Variants in CSMD3 observed in about 807,000 individuals in gnomAD.
CSMD3 encodes the protein CUB and sushi domain-containing protein 3.
In CSMD3, 177 loss-of-function variants were observed where a neutral mutation model predicts 435.2. The observed-to-expected ratio is 0.41, with a 90% CI of 0.36 to 0.46. The LOEUF (loss-of-function observed/expected upper bound fraction) is 0.46. Among genes scored for constraint, CSMD3 ranks in the 20% least tolerant of loss-of-function variants. CSMD3 has a pLI of 0.34. For missense variants in CSMD3, 4,265 were observed against 4,504.6 expected (o/e 0.95, Z 1.52); for synonymous variants, 1,656 against 1,520.5 (o/e 1.09, Z -2.07).
chr8:112,444,132 G>C lies in CSMD3; in HGVS notation c.5395+28459C>G, dbSNP rs185558816. 4.8e-4 allele frequency among the ~76,000 whole-genome samples: 73 copies of C among 152,168 alleles called. 1 individual carries two copies. Among genetic ancestry groups the C allele is most frequent in the Middle Eastern group, 3.4e-3 (1 of 294 alleles). ...TTTATGTATGTAAAAGGAGCATATG[G>C]GAAAAGGCTTCAAAATGAAGTGTAA... On this transcript the variant is annotated intron_variant, in intron 32 of 70. Transcript: ENST00000297405.
chr8:113,407,628 G>A (rs891242850), intron 1 of CSMD3, among the ~76,000 whole-genome samples: 1 of 151,786 alleles, frequency 6.6e-6, no homozygotes, highest in Non-Finnish European at 1.5e-5. Context: ...TTTGTAGCAC[G>A]GCCAATTTGA....
chr8:113,363,356 T>C (rs1174417076), intron 1 of CSMD3, among the ~76,000 whole-genome samples: 2 of 152,202 alleles, frequency 1.3e-5, no homozygotes, highest in Non-Finnish European at 2.9e-5. Context: ...CCATGGCTTG[T>C]GCTTTAATTC....
At chr8:113,025,211 G>A (rs2086831257) in intron 5 of CSMD3, among the ~76,000 whole-genome samples, 1 of 152,020 alleles carries the variant, frequency 6.6e-6, no homozygotes, top group East Asian at 1.9e-4. Flanking sequence ...GCGTATATCT[G>A]TGCATCTGGT....
chr8:112,747,183 C>CTTTTTTTTTTTTTTTTTTTTTTTTTTT lies in CSMD3; in HGVS notation c.1972+52952_1972+52978dup, dbSNP rs71309787. On this transcript the variant is annotated intron_variant, in intron 13 of 70. Coordinates refer to ENST00000297405, the MANE Select transcript of CSMD3 (RefSeq NM_198123.2). ...TATGATTATTTGTCTGCACACTTCCCTTTTTTTTTTTTTTTTTTTTTTTTT... is the reference window on the plus strand; with the variant it reads ...TATGATTATTTGTCTGCACACTTCCCTTTTTTTTTTTTTTTTTTTTTTTTTTTTTTTTTTTTTTTTTTTTTTTTTTTT... Among the ~76,000 whole-genome samples the CTTTTTTTTTTTTTTTTTTTTTTTTTTT allele has an allele frequency of 4.1e-4, 11 of 26,952 alleles. 3 individuals are homozygous for CTTTTTTTTTTTTTTTTTTTTTTTTTTT. Among genetic ancestry groups the CTTTTTTTTTTTTTTTTTTTTTTTTTTT allele is most frequent in the African/African-American group, 1.3e-3 (5 of 3,838 alleles). 17.7% of individuals were successfully genotyped at this position (26,952 alleles called of 152,430 possible). A position where few individuals can be genotyped will look rare whatever the true frequency, so the allele number is the denominator to read the frequency against.
intron 18 of CSMD3, among the ~76,000 whole-genome samples, chr8:112,653,443 T>C (rs1015089045): frequency 1.3e-5 from 2 of 152,156 alleles, no homozygotes; most frequent in African/African-American, 4.8e-5. Context: ...AATATATGTC[T>C]ATACGTTTGT....
In CSMD3 at chr8:112,645,171, T is replaced by A. The variant is rs1273732084; in HGVS notation, c.3248A>T (p.Tyr1083Phe). The A allele has an allele frequency of 4.3e-6, 7 of 1,609,736 alleles. No homozygotes were observed. Among genetic ancestry groups the A allele is most frequent in the Non-Finnish European group, 6.0e-6 (7 of 1,176,138 alleles). ...GPSGTILSPG[Y>F]PEFYPNSLNC... is the part of the protein sequence containing the mutation. The stretch of plus-strand genomic sequence containing the variant: ...CAGAGAATTTGGATAAAATTCCGGG[T>A]AACCAGGTGATAAGATTGTTCCACT... Residue 1083 changes from tyrosine to phenylalanine, a missense_variant, in exon 20 of 71, where the codon TAC becomes TTC. Around this residue, in one of 3 missense-constraint regions of CSMD3, gnomAD observed 3,255 missense variants for 3,380.2 expected, o/e 0.96. Transcript: ENST00000297405.
intron 2 of CSMD3, among the ~76,000 whole-genome samples, chr8:113,286,437 T>C (rs1386968444): frequency 6.6e-6 from 1 of 152,132 alleles, no homozygotes; most frequent in Non-Finnish European, 1.5e-5. Flanking sequence ...CCATTTAAAA[T>C]GTCAATGAAT....
At chr8:113,355,059 A>G (rs1431040925) in intron 1 of CSMD3, among the ~76,000 whole-genome samples, 1 of 152,210 alleles carries the variant, frequency 6.6e-6, no homozygotes, top group Non-Finnish European at 1.5e-5. Context: ...AAACTTTACA[A>G]ATTTTATGAA....
chr8:112,951,520 A>G (rs771246613), intron 8 of CSMD3, among the ~76,000 whole-genome samples: 16 of 151,772 alleles, frequency 1.1e-4, no homozygotes, highest in Non-Finnish European at 1.6e-4. Flanking sequence ...TCAACTTATA[A>G]TATCAAGTGC....
intron 32 of CSMD3, among the ~76,000 whole-genome samples, chr8:112,464,739 C>A (rs1477740737): frequency 3.9e-5 from 6 of 152,124 alleles, no homozygotes; most frequent in Admixed American, 6.5e-5. Flanking sequence ...TTAAGTGCAA[C>A]ATCTACTGAG....
chr8:113,197,940 C>T (rs918841980), intron 3 of CSMD3, among the ~76,000 whole-genome samples: 1 of 151,230 alleles, frequency 6.6e-6, no homozygotes, highest in Non-Finnish European at 1.5e-5. Flanking sequence ...GCACTGGTGT[C>T]ATGTAACTAA....
Position 112,310,494 on chromosome 8 carries a change from T to C in CSMD3, c.7885+484A>G, listed in dbSNP as rs1821871506. 3 of 181,992 alleles carry C rather than the reference T, an allele frequency of 1.6e-5. No individual in the cohort carries two copies. The South Asian group carries it at 3.4e-4, about 21-fold the overall frequency. 11.3% of individuals were successfully genotyped at this position (181,992 alleles called of 1,614,324 possible). A position where few individuals can be genotyped will look rare whatever the true frequency, so the allele number is the denominator to read the frequency against. On this transcript the variant is annotated intron_variant, in intron 50 of 70. Coordinates refer to ENST00000297405, the MANE Select transcript of CSMD3 (RefSeq NM_198123.2). ...AAAAAACATATCTTTGATATCTCTG[T>C]TGTGTTATCTGTACCACTGAAGAAA... is the stretch of plus-strand genomic sequence containing the variant.
intron 5 of CSMD3, among the ~76,000 whole-genome samples, chr8:113,067,798 T>G (rs2088926476): frequency 6.6e-6 from 1 of 152,158 alleles, no homozygotes; most frequent in African/African-American, 2.4e-5. Context: ...CAGTGGTTAA[T>G]GCATGGTGTG....
At chr8:112,727,700 C>T (rs2076994915) in intron 13 of CSMD3, among the ~76,000 whole-genome samples, 1 of 151,668 alleles carries the variant, frequency 6.6e-6, no homozygotes, top group Non-Finnish European at 1.5e-5. Flanking sequence ...TTTACAAGTA[C>T]AATTACTGTG....
intron 5 of CSMD3, among the ~76,000 whole-genome samples, chr8:113,049,464 T>C (rs2087991491): frequency 6.6e-6 from 1 of 151,384 alleles, no homozygotes; most frequent in Admixed American, 6.6e-5. Context: ...ATATTAATAA[T>C]GAACTGTCTA....
At chr8:113,333,856 T>C (rs1019735666) in intron 1 of CSMD3, among the ~76,000 whole-genome samples, 2 of 151,930 alleles carry the variant, frequency 1.3e-5, no homozygotes, top group African/African-American at 4.8e-5. Flanking sequence ...TAAGTAAATT[T>C]GGGGATAATT....
chr8:113,345,194 A>T (rs192679531), intron 1 of CSMD3, among the ~76,000 whole-genome samples: 3 of 152,244 alleles, frequency 2.0e-5, no homozygotes. Context: ...ACAAAGGATA[A>T]GTCTATAAAC....
At chr8:113,251,116 A>T (rs999643893) in intron 3 of CSMD3, among the ~76,000 whole-genome samples, 21 of 152,166 alleles carry the variant, frequency 1.4e-4, no homozygotes, top group Admixed American at 5.2e-4. Context: ...AATAGTAATC[A>T]ATAATGAATT....
In CSMD3 at chr8:112,311,068, C is replaced by G. The variant is rs759447581; in HGVS notation, c.7795G>C (p.Gly2599Arg). Residue 2599 changes from glycine (G) to arginine (R), a missense_variant, in exon 50 of 71, where the codon GGA becomes CGA. Coordinates refer to ENST00000297405, the MANE Select transcript of CSMD3 (RefSeq NM_198123.2). The stretch of plus-strand genomic sequence containing the variant: ...CTGCTTTTTCCAACAAGTCGGAATC[C>G]TCGATCACAGGCCCAACGGACCACA... ...NSVVRWACDR[G>R]FRLVGKSSAV... The G allele has an allele frequency of 1.2e-6, 2 of 1,614,064 alleles. No individual in the cohort carries two copies. Among genetic ancestry groups the G allele is most frequent in the Non-Finnish European group, 1.7e-6 (2 of 1,180,000 alleles).
Sources: gnomAD v4.1 joint callset for allele counts (sites outside exome capture counted in the v4.1 genomes callset) on GRCh38, gnomAD v4.1.1 for gene constraint, gnomAD v4.1.1 regional missense constraint, MANE v1.5 for transcripts, NCBI Gene and HGNC (gene_info 2026-07-23, HGNC 2026-07-21) for gene names.